Variants in CTU1 observed in about 807,000 individuals in gnomAD.
CTU1 encodes cytosolic thiouridylase subunit 1, also known as cytoplasmic tRNA 2-thiolation protein 1.
In CTU1, 15 loss-of-function variants were observed where a neutral mutation model predicts 12.9. The observed-to-expected ratio is 1.16, with a 90% CI of 0.78 to 1.79. CTU1 has a LOEUF of 1.79. CTU1 is among the 40% of genes most tolerant of loss of function. The pLI is 0.00. For missense variants in CTU1, 553 were observed against 550.5 expected (o/e 1.00, Z -0.05); for synonymous variants, 295 against 275.6 (o/e 1.07, Z -0.70).
intron 1 of CTU1, among the ~76,000 whole-genome samples, chr19:51,105,057 C>CT (rs1457539412): frequency 3.9e-5 from 6 of 152,102 alleles, no homozygotes; most frequent in African/African-American, 7.2e-5. Flanking sequence ...GTTTTTGACT[C>CT]TAAGGGCAGA....
chr19:51,101,060 T>A (rs2091906270), intron 2 of CTU1, among the ~76,000 whole-genome samples: 1 of 152,002 alleles, frequency 6.6e-6, no homozygotes, highest in African/African-American at 2.4e-5. Context: ...TCCCCCTGCC[T>A]CAGCCTCCAG....
At position 51,098,424 on chromosome 19, in the gene CTU1, T is replaced by C. The variant is rs1294425878; in HGVS notation, c.*177A>G. The C allele has an allele frequency of 5.7e-6, 3 of 530,850 alleles. No homozygotes were observed. Among genetic ancestry groups the C allele is most frequent in the Non-Finnish European group, 8.3e-6 (3 of 359,322 alleles). The allele number at this position is 530,850 out of a possible 1,614,324, so 32.9% of individuals were successfully genotyped here. On this transcript the variant is annotated 3_prime_UTR_variant, in exon 3 of 3. Coordinates refer to ENST00000421832, the MANE Select transcript of CTU1 (RefSeq NM_145232.4). The surrounding 1 kb of genome is among the most constrained non-coding windows in gnomAD (Gnocchi z 4.3). Reference sequence around the variant, plus strand: ...CCTGAAGCCCAGTTCGAGACCCTTCTTCCCTGAGACCTCGAAGTCTGGGGT... The same window carrying C: ...CCTGAAGCCCAGTTCGAGACCCTTCCTCCCTGAGACCTCGAAGTCTGGGGT...
chr19:51,099,743 G>C (rs2091902828), intron 2 of CTU1, among the ~76,000 whole-genome samples: 2 of 152,190 alleles, frequency 1.3e-5, no homozygotes. Context: ...GAGAGCTGGA[G>C]GGGTAGGCAG....
Position 51,104,351 on chromosome 19 carries a change from C to T in CTU1, c.219G>A (p.Ala73=). 1 of 1,450,602 alleles carries T rather than the reference C, an allele frequency of 6.9e-7. No homozygotes were observed. Among genetic ancestry groups the T allele is most frequent in the Non-Finnish European group, 9.0e-7 (1 of 1,106,444 alleles). The allele number at this position is 1,450,602 out of a possible 1,614,324, so 89.9% of individuals were successfully genotyped here. A position where few individuals can be genotyped will look rare whatever the true frequency, so the allele number is the denominator to read the frequency against. ...DSTVLAHVLR[A]LAPRLGISLQ... Reference sequence around the variant, plus strand: ...GTGAGATGCCCAGGCGCGGCGCCAGCGCGCGCAGCACGTGCGCCAGCACCG... The same window carrying T: ...GTGAGATGCCCAGGCGCGGCGCCAGTGCGCGCAGCACGTGCGCCAGCACCG... The change falls in exon 2 of 3, where the codon GCG becomes GCA. Residue 73 remains alanine (A), a synonymous_variant. Coordinates refer to ENST00000421832, the MANE Select transcript of CTU1 (RefSeq NM_145232.4).
intron 1 of CTU1, among the ~76,000 whole-genome samples, chr19:51,107,981 T>C (rs2091924512): frequency 6.6e-6 from 1 of 152,194 alleles, no homozygotes; most frequent in Admixed American, 6.5e-5. Context: ...GCTCAGTAAG[T>C]ATCTGTAGGA....
At chr19:51,099,174 C>A in intron 2 of CTU1, 35 bp from the exon 3 acceptor site, 1 of 1,540,248 alleles carries the variant, frequency 6.5e-7, no homozygotes, top group Non-Finnish European at 8.7e-7. Flanking sequence ...TGAGGTGGGG[C>A]GCGGAGGGCG....
Position 51,104,478 on chromosome 19 carries a change from C to T in CTU1, c.92G>A (p.Cys31Tyr). The change falls in exon 2 of 3, where the codon TGC becomes TAC. Residue 31 changes from cysteine to tyrosine, a missense_variant. Physicochemically the swap from Cys to Tyr is radical, Grantham distance 194. Transcript: ENST00000421832. Reference protein sequence around the residue: ...SGQALCGACFCAAFEAEVLHT... With the variant: ...SGQALCGACFYAAFEAEVLHT... The stretch of plus-strand genomic sequence containing the variant: ...CAGCACCTCGGCCTCGAAGGCGGCG[C>T]AGAAGCAGGCACCGCACAGCGCTTG... 1 of 1,318,486 alleles carries T rather than the reference C, an allele frequency of 7.6e-7. No homozygotes were observed. The allele number at this position is 1,318,486 out of a possible 1,614,324, so 81.7% of individuals were successfully genotyped here. A position where few individuals can be genotyped will look rare whatever the true frequency, so the allele number is the denominator to read the frequency against.
At chr19:51,099,976 G>A (rs975682729) in intron 2 of CTU1, among the ~76,000 whole-genome samples, 1 of 152,092 alleles carries the variant, frequency 6.6e-6, no homozygotes, top group Admixed American at 6.5e-5. Context: ...GAGAGATAGG[G>A]CCATGGAGAC....
Position 51,098,658 on chromosome 19 carries a change from C to G in CTU1, c.990G>C (p.Pro330=). The change falls in exon 3 of 3, where the codon CCG becomes CCC. Residue 330 remains proline, a synonymous_variant. Coordinates refer to ENST00000421832, the MANE Select transcript of CTU1 (RefSeq NM_145232.4). The surrounding 1 kb of genome is among the most constrained non-coding windows in gnomAD (Gnocchi z 4.3). ...GCCGGGCCGGATCCCCGGGCGTCCCCGGCGTCGCCTCCTCGTCCAGACCCC... is the reference window on the plus strand; with the variant it reads ...GCCGGGCCGGATCCCCGGGCGTCCCGGGCGTCGCCTCCTCGTCCAGACCCC... The part of the protein sequence containing the change: ...GRRGLDEEAT[P]GTPGDPARPP... 1 of 1,308,846 alleles carries G rather than the reference C, an allele frequency of 7.6e-7. No individual in the cohort carries two copies. Among genetic ancestry groups the G allele is most frequent in the Non-Finnish European group, 9.7e-7 (1 of 1,028,168 alleles). The allele number at this position is 1,308,846 out of a possible 1,614,324, so 81.1% of individuals were successfully genotyped here. A position where few individuals can be genotyped will look rare whatever the true frequency, so the allele number is the denominator to read the frequency against.
chr19:51,099,655 T>C (rs1420297676), intron 2 of CTU1, among the ~76,000 whole-genome samples: 20 of 152,164 alleles, frequency 1.3e-4, no homozygotes, highest in Admixed American at 1.3e-3. Flanking sequence ...AATAACCTTA[T>C]CAGCCTCAGT....
intron 1 of CTU1, among the ~76,000 whole-genome samples, chr19:51,107,268 C>G (rs564162254): frequency 1.9e-4 from 29 of 152,230 alleles, no homozygotes; most frequent in Non-Finnish European, 1.9e-4. Flanking sequence ...GATTCCTAGA[C>G]TGGTCAACAT....
At chr19:51,101,731 G>C (rs1183323625) in intron 2 of CTU1, among the ~76,000 whole-genome samples, 1 of 152,170 alleles carries the variant, frequency 6.6e-6, no homozygotes, top group Non-Finnish European at 1.5e-5. Flanking sequence ...ACATCTCGTT[G>C]AATGTTTATT....
At position 51,100,334 on chromosome 19, in the gene CTU1, G is replaced by A. The variant is rs60134510; in HGVS notation, c.509-1195C>T. On this transcript the variant is annotated intron_variant, in intron 2 of 2. Coordinates refer to ENST00000421832, the MANE Select transcript of CTU1 (RefSeq NM_145232.4). Reference sequence around the variant, plus strand: ...GCTTTGAAAATGGAGGAAGAGCCGGGCACAGTGGCTCATGCCTGTAATCCC... The same window carrying A: ...GCTTTGAAAATGGAGGAAGAGCCGGACACAGTGGCTCATGCCTGTAATCCC... 4.7e-3 allele frequency among the ~76,000 whole-genome samples: 721 copies of A among 152,338 alleles called. 11 individuals are homozygous for A. Among genetic ancestry groups the A allele is most frequent in the African/African-American group, 0.017 (701 of 41,568 alleles).
At chr19:51,103,798 G>A (rs2091912598) in intron 2 of CTU1, among the ~76,000 whole-genome samples, 1 of 152,088 alleles carries the variant, frequency 6.6e-6, no homozygotes, top group South Asian at 2.1e-4. Context: ...AGACCAAGAC[G>A]GTGGCCAAGA....
chr19:51,103,731 G>A (rs938517147), intron 2 of CTU1, among the ~76,000 whole-genome samples: 2 of 152,118 alleles, frequency 1.3e-5, no homozygotes, highest in African/African-American at 2.4e-5. Context: ...TTAAAAATAA[G>A]TAAAGGACCA....
intron 2 of CTU1, among the ~76,000 whole-genome samples, chr19:51,102,042 C>T (rs966766955): frequency 3.9e-5 from 6 of 152,142 alleles, no homozygotes; most frequent in African/African-American, 1.4e-4. Flanking sequence ...CTTGCTCTGT[C>T]ACCCAGGCTG....
In CTU1 at chr19:51,104,150, G is replaced by A; in HGVS notation, c.420C>T (p.Ser140=). The change falls in exon 2 of 3, where the codon AGC becomes AGT. Residue 140 remains serine, a synonymous_variant. Coordinates refer to ENST00000421832, the MANE Select transcript of CTU1 (RefSeq NM_145232.4). The stretch of plus-strand genomic sequence containing the variant: ...CTCCACAGAAGGTGCAGCAGGAGCG[G>A]CTGCGGCCGGAGCCGGCTGTGCTGC... ...VARSTAGSGR[S]RSCCTFCGVL... 1 of 1,515,838 alleles carries A rather than the reference G, an allele frequency of 6.6e-7. No homozygotes were observed. The highest frequency in any genetic ancestry group is 8.8e-7 in the Non-Finnish European group (1 of 1,142,100). The allele number at this position is 1,515,838 out of a possible 1,614,324, so 93.9% of individuals were successfully genotyped here.
intron 1 of CTU1, among the ~76,000 whole-genome samples, chr19:51,106,965 TGC>T (rs1226619968): frequency 6.6e-6 from 1 of 152,166 alleles, no homozygotes. Context: ...AACCTGTTCT[TGC>T]CCATCTGTTC....
intron 2 of CTU1, among the ~76,000 whole-genome samples, chr19:51,103,078 CTATAT>C (rs1568604337): frequency 2.6e-5 from 4 of 152,208 alleles, no homozygotes; most frequent in East Asian, 1.9e-4. Flanking sequence ...AATGTGTAAT[CTATAT>C]TATATCATAC....
Sources: allele counts gnomAD v4.1 joint callset (sites outside exome capture counted in the v4.1 genomes callset), GRCh38; gene constraint gnomAD v4.1.1; non-coding constraint Gnocchi (gnomAD v3.1); transcripts MANE v1.5; gene names NCBI Gene and HGNC (gene_info 2026-07-23, HGNC 2026-07-21).